SLCO1A2: variants seen among roughly 807,000 people sequenced by gnomAD.
SLCO1A2 encodes the protein OATP-1.
In SLCO1A2, 67 loss-of-function variants were observed where a neutral mutation model predicts 69.0. The ratio of observed to expected loss-of-function variants is 0.97; its 90% confidence interval spans 0.80 to 1.19. The LOEUF (loss-of-function observed/expected upper bound fraction) is 1.19, where lower values mean the gene tolerates loss of function less well. Among genes scored for constraint, SLCO1A2 ranks in the 50% most tolerant of loss-of-function variants. The pLI is 0.00. For synonymous variants in SLCO1A2, 260 were observed against 265.9 expected (o/e 0.98, Z 0.22); for missense variants, 787 against 793.7 (o/e 0.99, Z 0.10).
chr12:21,274,667 T>C, intron 13 of SLCO1A2, 81 bp from the exon 14 acceptor site: 2 of 1,024,454 alleles, frequency 2.0e-6, no homozygotes, highest in Non-Finnish European at 3.0e-6. Flanking sequence ...ATTTTCTTTA[T>C]TTGTACGGCA....
chr12:21,352,959 G>A (rs1938077360), intron 2 of SLCO1A2, among the ~76,000 whole-genome samples: 1 of 152,080 alleles, frequency 6.6e-6, no homozygotes, highest in Non-Finnish European at 1.5e-5. Context: ...TTCGAACAGT[G>A]GTTATAAAAT....
At chr12:21,272,267 T>C (rs1215720580) in intron 14 of SLCO1A2, among the ~76,000 whole-genome samples, 2 of 151,918 alleles carry the variant, frequency 1.3e-5, no homozygotes, top group Non-Finnish European at 2.9e-5. Context: ...TATATGTTTA[T>C]ACAGAATATA....
chr12:21,345,456 T>C (rs1004266703), intron 2 of SLCO1A2, among the ~76,000 whole-genome samples: 1 of 152,006 alleles, frequency 6.6e-6, no homozygotes, highest in South Asian at 2.1e-4. Flanking sequence ...TGTTTTTCCT[T>C]TGGGCAAAGA....
At chr12:21,395,750 C>A (rs1401015122), upstream of SLCO1A2, among the ~76,000 whole-genome samples, 1 of 152,156 alleles carries the variant, frequency 6.6e-6, no homozygotes, top group African/African-American at 2.4e-5. Flanking sequence ...GAGGCACCCC[C>A]CAGCAGGGGC....
chr12:21,377,637 A>C (rs1467732397), intron 1 of SLCO1A2, among the ~76,000 whole-genome samples: 1 of 152,138 alleles, frequency 6.6e-6, no homozygotes, highest in Non-Finnish European at 1.5e-5. Context: ...TAAATACTTC[A>C]TATACATGGA....
At chr12:21,272,199 A>G (rs1193658350) in intron 14 of SLCO1A2, among the ~76,000 whole-genome samples, 1 of 151,770 alleles carries the variant, frequency 6.6e-6, no homozygotes, top group Non-Finnish European at 1.5e-5. Context: ...TTGGTTAACA[A>G]TTATCCATGT....
upstream of SLCO1A2, among the ~76,000 whole-genome samples, chr12:21,395,745 A>AC (rs1555130987): frequency 6.6e-5 from 10 of 151,792 alleles, no homozygotes; most frequent in South Asian, 1.0e-3. Flanking sequence ...ACTGGGAGGC[A>AC]CCCCCCAGCA....
At chr12:21,300,718 G>A in intron 7 of SLCO1A2, 149 bp from the exon 8 acceptor site, 1 of 602,780 alleles carries the variant, frequency 1.7e-6, no homozygotes, top group Non-Finnish European at 2.8e-6. Context: ...CTAATAATAT[G>A]TGGTGTTGTA....
At chr12:21,346,334 C>T (rs1953250385) in intron 2 of SLCO1A2, among the ~76,000 whole-genome samples, 1 of 151,952 alleles carries the variant, frequency 6.6e-6, no homozygotes, top group Non-Finnish European at 1.5e-5. Context: ...AAGAACTCAC[C>T]CACTTCTGCA....
intron 2 of SLCO1A2, among the ~76,000 whole-genome samples, chr12:21,372,136 T>C (rs1239558144): frequency 6.6e-6 from 1 of 152,214 alleles, no homozygotes; most frequent in Non-Finnish European, 1.5e-5. Context: ...CCATTCATAA[T>C]GTTCTCATGG....
chr12:21,313,997 G>T (rs1370537841), intron 4 of SLCO1A2, among the ~76,000 whole-genome samples: 8 of 143,334 alleles, frequency 5.6e-5, no homozygotes, highest in Non-Finnish European at 1.2e-4. Context: ...AAAAAAAACA[G>T]AAAAAAAAGA....
intron 12 of SLCO1A2, among the ~76,000 whole-genome samples, chr12:21,288,296 G>T (rs924492428): frequency 6.6e-6 from 1 of 151,968 alleles, no homozygotes; most frequent in South Asian, 2.1e-4. Context: ...ACAAAAATTA[G>T]TGGGTGTGGT....
chr12:21,292,146 A>G lies in SLCO1A2; in HGVS notation c.1610+18T>C. 1 of 1,509,344 alleles carries G rather than the reference A, an allele frequency of 6.6e-7. No homozygotes were observed. Among genetic ancestry groups the G allele is most frequent in the Non-Finnish European group, 8.9e-7 (1 of 1,129,574 alleles). The allele number at this position is 1,509,344 out of a possible 1,614,324, so 93.5% of individuals were successfully genotyped here. Reference sequence around the variant, plus strand: ...AAATGACCCCAAAAAAATATAAATAAAGAAAATAATTTTGTACCTCAAGAG... The same window carrying G: ...AAATGACCCCAAAAAAATATAAATAGAGAAAATAATTTTGTACCTCAAGAG... On this transcript the variant is annotated intron_variant, in intron 12 of 14. Transcript: ENST00000683939.
intron 5 of SLCO1A2, among the ~76,000 whole-genome samples, chr12:21,306,498 G>T (rs1304045986): frequency 6.6e-6 from 1 of 151,988 alleles, no homozygotes; most frequent in African/African-American, 2.4e-5. Flanking sequence ...GCTAATTTTT[G>T]TATTTTTTAA....
At chr12:21,290,910 A>G (rs1467886952) in intron 12 of SLCO1A2, among the ~76,000 whole-genome samples, 1 of 152,166 alleles carries the variant, frequency 6.6e-6, no homozygotes, top group Non-Finnish European at 1.5e-5. Flanking sequence ...TATCATATAA[A>G]CAGTATTACA....
chr12:21,344,435 T>A (rs1219149881), intron 2 of SLCO1A2, among the ~76,000 whole-genome samples: 1 of 152,074 alleles, frequency 6.6e-6, no homozygotes, highest in African/African-American at 2.4e-5. Context: ...CTAATCCAAT[T>A]AATAAATTCA....
upstream of SLCO1A2, among the ~76,000 whole-genome samples, chr12:21,395,775 A>C (rs374558977): frequency 3.9e-3 from 591 of 152,176 alleles, 2 homozygotes; most frequent in Non-Finnish European, 4.5e-3. Context: ...TGACACCTCA[A>C]ACGGCAGGGT....
rs567113549 is a variant in SLCO1A2, at chr12:21,368,582, A to G, written c.-63+5817T>C. Among the ~76,000 whole-genome samples, 267 of 152,262 alleles carry G rather than the reference A, an allele frequency of 1.8e-3. 1 individual carries two copies. The highest frequency in any genetic ancestry group is 5.5e-3 in the Admixed American group (84 of 15,284). On this transcript the variant is annotated intron_variant, in intron 2 of 15. Transcript: ENST00000307378. Reference sequence around the variant, plus strand: ...GATAATGGTTTCAGAGCTATGTTCTATAAAATGTCCTTATCTTTTATAGCA... The same window carrying G: ...GATAATGGTTTCAGAGCTATGTTCTGTAAAATGTCCTTATCTTTTATAGCA...
At chr12:21,273,323 G>A (rs962280536) in intron 14 of SLCO1A2, among the ~76,000 whole-genome samples, 8 of 152,166 alleles carry the variant, frequency 5.3e-5, no homozygotes, top group African/African-American at 1.7e-4. Flanking sequence ...TATCTTCCAA[G>A]GTCATTTACT....
Sources: allele counts gnomAD v4.1 joint callset (sites outside exome capture counted in the v4.1 genomes callset), GRCh38; gene constraint gnomAD v4.1.1; transcripts MANE v1.5; gene names NCBI Gene and HGNC (gene_info 2026-07-23, HGNC 2026-07-21).